RFWD3: variants seen among roughly 807,000 people sequenced by gnomAD.
RFWD3 encodes the protein E3 ubiquitin-protein ligase RFWD3.
In RFWD3, 65 loss-of-function variants were observed where a neutral mutation model predicts 87.7. That is an observed-to-expected ratio of 0.74 (90% CI 0.61 to 0.91). The LOEUF is 0.91. RFWD3 is among the 40% of genes least tolerant of loss of function. The pLI is 0.00. For synonymous variants in RFWD3, 433 were observed against 352.8 expected, an observed-to-expected ratio of 1.23 and a Z score of -2.55; for missense variants, 1,078 against 938.5, an observed-to-expected ratio of 1.15 and a Z score of -1.94.
intron 2 of RFWD3, among the ~76,000 whole-genome samples, chr16:74,658,576 A>G (rs1294946559): frequency 6.6e-6 from 1 of 152,230 alleles, no homozygotes; most frequent in African/African-American, 2.4e-5. Context: ...GGGAAAGGTC[A>G]TACTTCAGGG....
chr16:74,627,693 C>A (rs1303853651), intron 11 of RFWD3, among the ~76,000 whole-genome samples: 1 of 152,168 alleles, frequency 6.6e-6, no homozygotes, highest in Admixed American at 6.6e-5. Context: ...AAACAAGTTT[C>A]CTGTGAGAGG....
intron 8 of RFWD3, 53 bp from the exon 9 acceptor site, chr16:74,632,726 A>G: frequency 6.4e-7 from 1 of 1,560,046 alleles, no homozygotes; most frequent in Non-Finnish European, 8.8e-7. Context: ...ACCTAGGGCA[A>G]TTCAAACTAG....
At chr16:74,639,255 C>T (rs1373306013) in intron 6 of RFWD3, among the ~76,000 whole-genome samples, 2 of 152,140 alleles carry the variant, frequency 1.3e-5, no homozygotes, top group South Asian at 2.1e-4. Flanking sequence ...CCAGGCTGGT[C>T]TCAAACTCCT....
intron 9 of RFWD3, among the ~76,000 whole-genome samples, chr16:74,631,889 G>C (rs1049530109): frequency 1.3e-5 from 2 of 152,064 alleles, no homozygotes; most frequent in Non-Finnish European, 2.9e-5. Context: ...CAAAGCGCTA[G>C]GATTACAGGC....
At chr16:74,640,037 G>A (rs988068876) in intron 6 of RFWD3, among the ~76,000 whole-genome samples, 80 of 152,006 alleles carry the variant, frequency 5.3e-4, no homozygotes, top group African/African-American at 1.8e-3. Context: ...AGGTTTGTAT[G>A]TATAAGAAAA....
chr16:74,663,943 C>T (rs1440414457), intron 1 of RFWD3, among the ~76,000 whole-genome samples: 1 of 152,184 alleles, frequency 6.6e-6, no homozygotes, highest in Non-Finnish European at 1.5e-5. Flanking sequence ...AGCTTGACTC[C>T]TACTCAAACA....
In RFWD3 at chr16:74,661,236, G is replaced by A; in HGVS notation, c.214C>T (p.Pro72Ser). The change falls in exon 2 of 13, where the codon CCT becomes TCT. Residue 72 changes from proline to serine, a missense_variant. Physicochemically the swap from Pro to Ser is moderately conservative, Grantham distance 74. Transcript: ENST00000361070. Reference sequence around the variant, plus strand: ...AGGTCAACAGACAGTTGCGGAGCAGGCTGGAGCAGGGGTGGTGTCGCTTGG... The same window carrying A: ...AGGTCAACAGACAGTTGCGGAGCAGACTGGAGCAGGGGTGGTGTCGCTTGG... ...SSQATPPLLQ[P>S]APQLSVDLTE... 2 of 1,614,180 alleles carry A rather than the reference G, an allele frequency of 1.2e-6. No homozygotes were observed. Among genetic ancestry groups the A allele is most frequent in the Non-Finnish European group, 1.7e-6 (2 of 1,180,030 alleles).
At position 74,662,126 on chromosome 16, in the gene RFWD3, T is replaced by C. The variant is rs369109128; in HGVS notation, c.-2-675A>G. On this transcript the variant is annotated intron_variant, in intron 1 of 12. Transcript: ENST00000361070. ...TTGTATCAGTTTGAAAACTACCACCTAGTTTTTAAACTAAAAAAAAAAATT... is the reference window on the plus strand; with the variant it reads ...TTGTATCAGTTTGAAAACTACCACCCAGTTTTTAAACTAAAAAAAAAAATT... Among the ~76,000 whole-genome samples, 5 of 151,712 alleles carry C rather than the reference T, an allele frequency of 3.3e-5. No homozygotes were observed. In the East Asian group the frequency reaches 5.8e-4, roughly 18 times the overall value.
chr16:74,641,928 CAAAAAAAAAAAAAA>C (rs71158533), intron 6 of RFWD3, among the ~76,000 whole-genome samples: 115 of 52,498 alleles, frequency 2.2e-3, no homozygotes, highest in African/African-American at 8.2e-3. Context: ...ACTCCGTCTC[CAAAAAAAAAAAAAA>C]AAAAAAAAAA....
At chr16:74,660,065 A>G (rs981549188) in intron 2 of RFWD3, among the ~76,000 whole-genome samples, 3 of 152,178 alleles carry the variant, frequency 2.0e-5, no homozygotes, top group African/African-American at 4.8e-5. Context: ...AAAAATAACA[A>G]TAATAAAAAC....
In RFWD3 at chr16:74,628,578, C is replaced by T; in HGVS notation, c.1843G>A (p.Ala615Thr). The change falls in exon 11 of 13, where the codon GCT becomes ACT. Residue 615 changes from alanine (A) to threonine (T), a missense_variant. By Grantham distance (58) the Ala-to-Thr change is moderately conservative. Transcript: ENST00000361070. ...TCCATTTTCTGTTCCCAGAATGAAGCATCCTCCAAGGTTCCAGCCAGCACC... is the reference window on the plus strand; with the variant it reads ...TCCATTTTCTGTTCCCAGAATGAAGTATCCTCCAAGGTTCCAGCCAGCACC... The part of the protein sequence containing the change: ...GGVLAGTLED[A>T]SFWEQKMDFS... 2 of 1,614,164 alleles carry T rather than the reference C, an allele frequency of 1.2e-6. No homozygotes were observed. The highest frequency in any genetic ancestry group is 1.7e-6 in the Non-Finnish European group (2 of 1,180,026).
intron 4 of RFWD3, among the ~76,000 whole-genome samples, chr16:74,647,036 G>T (rs1250542849): frequency 6.6e-6 from 1 of 151,332 alleles, no homozygotes; most frequent in African/African-American, 2.4e-5. Context: ...GCAGTGAGCC[G>T]AGATCATGCC....
chr16:74,644,467 T>C lies in RFWD3; in HGVS notation c.988-14A>G, dbSNP rs181999564. The stretch of plus-strand genomic sequence containing the variant: ...TTTCTTGTTGCACTAAAGAACCCAA[T>C]AGGACATAATTAGAGTGGTTCTAGG... On this transcript the variant is annotated splice_polypyrimidine_tract_variant and intron_variant, in intron 5 of 12. Transcript: ENST00000361070. 1.5e-5 allele frequency: 24 copies of C among 1,614,154 alleles called. No individual in the cohort carries two copies. The highest frequency in any genetic ancestry group is 1.6e-4 in the Middle Eastern group (1 of 6,062).
At position 74,661,358 on chromosome 16, in the gene RFWD3, C is replaced by T. The variant is rs1961423135; in HGVS notation, c.92G>A (p.Gly31Glu). 6.2e-7 allele frequency: 1 copy of T among 1,613,898 alleles called. No individual in the cohort carries two copies. Among genetic ancestry groups the T allele is most frequent in the Admixed American group, 1.7e-5 (1 of 59,990 alleles). ...PAPAGMASSQ[G>E]GPALLQPVPA... ...AACAGGCTGGAGGAGGGCTGGTCCC[C>T]CTTGGCTGCTGGCCATGCCAGCAGG... The change falls in exon 2 of 13, where the codon GGG (glycine) becomes GAG (glutamate). Residue 31 changes from glycine (G) to glutamate (E), a missense_variant. Gly to Glu is a moderately conservative substitution (Grantham distance 98). Coordinates refer to ENST00000361070, the MANE Select transcript of RFWD3 (RefSeq NM_018124.4).
intron 12 of RFWD3, among the ~76,000 whole-genome samples, chr16:74,624,856 G>C (rs1281077918): frequency 6.6e-6 from 1 of 152,126 alleles, no homozygotes; most frequent in East Asian, 1.9e-4. Flanking sequence ...GCCAGGTGTA[G>C]TGGTGCATGC....
intron 12 of RFWD3, 122 bp from the exon 13 acceptor site, chr16:74,624,193 G>A: frequency 3.3e-6 from 4 of 1,196,150 alleles, no homozygotes; most frequent in Non-Finnish European, 4.6e-6. Flanking sequence ...AGCAAAGCAG[G>A]CTGTCCCTAA....
rs1219144996 is a variant in RFWD3, at chr16:74,630,850, C to T, written c.1685G>A (p.Gly562Asp). The T allele has an allele frequency of 6.2e-7, 1 of 1,613,994 alleles. No homozygotes were observed. ...ANYIYAGLANGSILVYDVRNT... is the reference protein window; with the variant it reads ...ANYIYAGLANDSILVYDVRNT... ...TCGCACGTCATATACCAGAATTGAA[C>T]CATTGGCCAGTCCAGCATAGATGTA... Residue 562 changes from glycine to aspartate, a missense_variant, in exon 10 of 13, where the codon GGT becomes GAT. Coordinates refer to ENST00000361070, the MANE Select transcript of RFWD3 (RefSeq NM_018124.4).
intron 2 of RFWD3, among the ~76,000 whole-genome samples, chr16:74,659,611 A>C (rs1024271594): frequency 2.0e-5 from 3 of 151,058 alleles, no homozygotes; most frequent in African/African-American, 4.9e-5. Context: ...CAAAAAAAAA[A>C]CCCAGAGTAA....
intron 2 of RFWD3, among the ~76,000 whole-genome samples, 161 bp from the exon 3 acceptor site, chr16:74,652,283 C>A (rs1960631287): frequency 6.6e-6 from 1 of 151,810 alleles, no homozygotes; most frequent in Non-Finnish European, 1.5e-5. Context: ...GGGGGGGAGA[C>A]TGGCCTCCTA....
Sources: gnomAD v4.1 joint callset for allele counts (sites outside exome capture counted in the v4.1 genomes callset) on GRCh38, gnomAD v4.1.1 for gene constraint, MANE v1.5 for transcripts, NCBI Gene and HGNC (gene_info 2026-07-23, HGNC 2026-07-21) for gene names.